The following SH3D21 variants were observed in gnomAD, a reference collection of about 807,000 sequenced individuals.
SH3D21 encodes the protein manchette microtubule inner protein 1.
SH3D21 carries 83 observed loss-of-function variants against 82.1 expected under a neutral mutation model. That is an observed-to-expected ratio of 1.01 (90% CI 0.85 to 1.21). The LOEUF is 1.21. Among genes scored for constraint, SH3D21 ranks in the 50% most tolerant of loss-of-function variants. The probability of loss-of-function intolerance (pLI) is 0.00; values close to 1 mark genes in which losing one functional copy is unlikely to be tolerated. For synonymous variants in SH3D21, 383 were observed against 387.8 expected, an observed-to-expected ratio of 0.99 and a Z score of 0.15; for missense variants, 980 against 962.1, an observed-to-expected ratio of 1.02 and a Z score of -0.25.
intron 10 of SH3D21, among the ~76,000 whole-genome samples, chr1:36,310,104 G>C (rs534330733): frequency 3.9e-5 from 6 of 151,980 alleles, no homozygotes. Context: ...ACAGGCGCCC[G>C]CCACCACGCT....
Position 36,308,099 on chromosome 1 carries a change from C to T in SH3D21, c.539-10C>T. On this transcript the variant is annotated splice_polypyrimidine_tract_variant and intron_variant, in intron 7 of 15. Transcript: ENST00000453908. The stretch of plus-strand genomic sequence containing the variant: ...TGGCTTCAGAGGACAGTGGACTGAC[C>T]TCTTCCCAGTCTCCCACCCTGAGGT... The T allele has an allele frequency of 1.3e-6, 2 of 1,546,032 alleles. No homozygotes were observed. Among genetic ancestry groups the T allele is most frequent in the African/African-American group, 1.4e-5 (1 of 73,040 alleles).
chr1:36,307,414 G>T lies in SH3D21; in HGVS notation c.346-103G>T, dbSNP rs1411294048. ...TGCAGATACGGGGAAGCGCGGGAGG[G>T]AAGGAGGGAGGAAGGGGCGCTTGGG... On this transcript the variant is annotated intron_variant, in intron 4 of 15. Coordinates refer to ENST00000453908, the MANE Select transcript of SH3D21 (RefSeq NM_001162530.2). The surrounding 1 kb of genome is among the most constrained non-coding windows in gnomAD (Gnocchi z 5.4). The T allele has an allele frequency of 8.6e-6, 13 of 1,504,816 alleles. No individual in the cohort carries two copies. In the Admixed American group the frequency reaches 2.6e-4, roughly 30 times the overall value. 93.2% of individuals were successfully genotyped at this position (1,504,816 alleles called of 1,614,324 possible).
downstream of SH3D21, chr1:36,322,574 C>T (rs932856047): frequency 1.3e-6 from 2 of 1,584,606 alleles, no homozygotes; most frequent in Non-Finnish European, 8.5e-7. Flanking sequence ...CCTCGGGCTC[C>T]AGGGTGCTGC....
At chr1:36,308,559 G>C in intron 9 of SH3D21, 84 bp downstream of exon 9, 1 of 1,116,658 alleles carries the variant, frequency 9.0e-7, no homozygotes, top group Non-Finnish European at 1.3e-6. Flanking sequence ...TCCGGACCTA[G>C]CTGGAGGGTC....
chr1:36,314,318 T>A (rs931901058), intron 10 of SH3D21, among the ~76,000 whole-genome samples: 3 of 151,594 alleles, frequency 2.0e-5, no homozygotes, highest in Non-Finnish European at 1.5e-5. Flanking sequence ...TTTGGAGAAA[T>A]GTCTGTTTGG....
At chr1:36,314,151 A>T (rs1370403780) in intron 10 of SH3D21, among the ~76,000 whole-genome samples, 1 of 148,660 alleles carries the variant, frequency 6.7e-6, no homozygotes, top group Non-Finnish European at 1.5e-5. Context: ...AATTTTTTGT[A>T]TTTTTAGTAG....
rs1458353676 is a variant in SH3D21, at chr1:36,317,922, C to T, written c.770-1149C>T. ...ACTCTCTAACACACTATGTATTTTA[C>T]TCCTTGTATTTATATCTGCTTCCCC... On this transcript the variant is annotated intron_variant, in intron 10 of 15. Coordinates refer to ENST00000453908, the MANE Select transcript of SH3D21 (RefSeq NM_001162530.2). 4.6e-5 allele frequency among the ~76,000 whole-genome samples: 7 copies of T among 152,286 alleles called. No homozygotes were observed. The South Asian group carries it at 1.2e-3, about 27-fold the overall frequency.
chr1:36,313,283 G>A (rs1052998541), intron 10 of SH3D21, among the ~76,000 whole-genome samples: 2 of 151,512 alleles, frequency 1.3e-5, no homozygotes, highest in Admixed American at 6.6e-5. Flanking sequence ...CCGAGATCGC[G>A]TCACTGCACT....
At position 36,307,146 on chromosome 1, in the gene SH3D21, G is replaced by C. The variant is rs561757081; in HGVS notation, c.227-21G>C. The C allele has an allele frequency of 6.4e-7, 1 of 1,551,200 alleles. No individual in the cohort carries two copies. The highest frequency in any genetic ancestry group is 8.7e-7 in the Non-Finnish European group (1 of 1,146,776). ...GACTGGGGCGTCCGACTGGAGCTCAGCCGCGCTTGTCCGGTGCTAGGTCAT... is the reference window on the plus strand; with the variant it reads ...GACTGGGGCGTCCGACTGGAGCTCACCCGCGCTTGTCCGGTGCTAGGTCAT... On this transcript the variant is annotated intron_variant, in intron 3 of 15. Transcript: ENST00000453908. This position sits in a 1 kb window ranked among gnomAD's most constrained non-coding sequence, Gnocchi z 5.4.
At chr1:36,316,962 A>G (rs1646356303) in intron 10 of SH3D21, among the ~76,000 whole-genome samples, 1 of 152,082 alleles carries the variant, frequency 6.6e-6, no homozygotes, top group Non-Finnish European at 1.5e-5. Flanking sequence ...GGTGTGAGCC[A>G]CTGCACCCAG....
intron 9 of SH3D21, 79 bp downstream of exon 9, chr1:36,308,554 A>T: frequency 8.4e-7 from 1 of 1,194,636 alleles, no homozygotes; most frequent in South Asian, 1.3e-5. Context: ...CACTCTCCGG[A>T]CCTAGCTGGA....
At chr1:36,322,949 G>C, downstream of SH3D21, 1 of 1,607,040 alleles carries the variant, frequency 6.2e-7, no homozygotes, top group East Asian at 2.2e-5. Context: ...CAGGCCCCCA[G>C]TCTTCCGGCG....
chr1:36,308,593 A>T (rs963341214), intron 9 of SH3D21, 118 bp downstream of exon 9: 3 of 724,696 alleles, frequency 4.1e-6, no homozygotes, highest in Non-Finnish European at 7.0e-6. Context: ...GGACCTAGAC[A>T]TGTGGGGGCT....
intron 10 of SH3D21, among the ~76,000 whole-genome samples, chr1:36,312,356 G>T (rs1369571869): frequency 6.6e-6 from 1 of 152,120 alleles, no homozygotes; most frequent in African/African-American, 2.4e-5. Flanking sequence ...TTTATTCCCA[G>T]ATATTCTTAG....
At chr1:36,329,851 C>T (rs1646576406), downstream of SH3D21, among the ~76,000 whole-genome samples, 1 of 152,100 alleles carries the variant, frequency 6.6e-6, no homozygotes, top group African/African-American at 2.4e-5. Flanking sequence ...AAAGAATAAC[C>T]AGTGCAGAGT....
In SH3D21 at chr1:36,310,871, T is replaced by TATA. The variant is rs748019901; in HGVS notation, c.769+1282_769+1284dup. ...AGCTTCATAAAAATGGTAGCATGTT[T>TATA]ATAGTCTTCTGAGACTTGCTGTTTT... On this transcript the variant is annotated intron_variant, in intron 10 of 15. Coordinates refer to ENST00000453908, the MANE Select transcript of SH3D21 (RefSeq NM_001162530.2). 1.1e-4 allele frequency among the ~76,000 whole-genome samples: 16 copies of TATA among 152,330 alleles called. No homozygotes were observed. In the East Asian group the frequency reaches 1.9e-3, roughly 18 times the overall value.
chr1:36,328,042 G>GACTT, downstream of SH3D21: 1 of 478,342 alleles, frequency 2.1e-6, no homozygotes, highest in Non-Finnish European at 4.1e-6. Context: ...ATCTGCCCAG[G>GACTT]ACTTATCTGC....
Position 36,306,524 on chromosome 1 carries a change from G to A in SH3D21, c.5-74G>A. On this transcript the variant is annotated intron_variant, in intron 1 of 15. Coordinates refer to ENST00000453908, the MANE Select transcript of SH3D21 (RefSeq NM_001162530.2). The surrounding 1 kb of genome is among the most constrained non-coding windows in gnomAD (Gnocchi z 4.5). ...CCCGCTGCCCTCTACGGTGCTTGGG[G>A]ACACGCCCGCCCTAGCCAGGCTGCC... 3 of 1,303,446 alleles carry A rather than the reference G, an allele frequency of 2.3e-6. 1 individual carries two copies. In the South Asian group the frequency reaches 3.7e-5, roughly 16 times the overall value. The allele number at this position is 1,303,446 out of a possible 1,614,324, so 80.7% of individuals were successfully genotyped here. A position where few individuals can be genotyped will look rare whatever the true frequency, so the allele number is the denominator to read the frequency against.
chr1:36,317,572 G>GT (rs977774150), intron 10 of SH3D21, among the ~76,000 whole-genome samples: 2 of 151,922 alleles, frequency 1.3e-5, no homozygotes, highest in Non-Finnish European at 2.9e-5. Context: ...TTTTTGTTTT[G>GT]TTTTTTTGAG....
Sources: gnomAD v4.1 joint callset for allele counts (sites outside exome capture counted in the v4.1 genomes callset) on GRCh38, gnomAD v4.1.1 for gene constraint, Gnocchi (gnomAD v3.1) non-coding constraint, MANE v1.5 for transcripts, NCBI Gene and HGNC (gene_info 2026-07-23, HGNC 2026-07-21) for gene names.